Variants in VPS53 observed in about 807,000 individuals in gnomAD.
The protein encoded by VPS53 is VPS53 subunit of GARP complex, also known as vacuolar protein sorting-associated protein 53 homolog.
A neutral mutation model predicts 107.0 loss-of-function variants in VPS53; 70 were observed. That is an observed-to-expected ratio of 0.65 (90% CI 0.54 to 0.80). The LOEUF (loss-of-function observed/expected upper bound fraction) is 0.80. Among genes scored for constraint, VPS53 ranks in the 30% least tolerant of loss-of-function variants. The pLI, the probability that VPS53 is intolerant of heterozygous loss-of-function variation, is 0.00. For missense variants in VPS53, 917 were observed against 1,049.4 expected, an observed-to-expected ratio of 0.87 and a Z score of 1.74; for synonymous variants, 409 against 393.3, an observed-to-expected ratio of 1.04 and a Z score of -0.47.
intron 15 of VPS53, among the ~76,000 whole-genome samples, chr17:557,392 AATTAC>A (rs1165150636): frequency 7.2e-5 from 11 of 152,144 alleles, no homozygotes; most frequent in African/African-American, 2.4e-4. Flanking sequence ...TGAGATACTT[AATTAC>A]ATTTACCAAG....
Position 584,392 on chromosome 17 carries a change from C to T in VPS53, c.1313+1878G>A, listed in dbSNP as rs148514114. Among the ~76,000 whole-genome samples, 138 of 152,194 alleles carry T rather than the reference C, an allele frequency of 9.1e-4. 1 individual carries two copies. The highest frequency in any genetic ancestry group is 2.8e-3 in the African/African-American group (115 of 41,524). ...GACACTGGAGCACGAACACAGTCTT[C>T]GGCTGTTAGTTTGGAAGTCTTTGGG... On this transcript the variant is annotated intron_variant, in intron 13 of 21. Coordinates refer to ENST00000437048, the MANE Select transcript of VPS53 (RefSeq NM_001128159.3).
At chr17:628,953 C>T (rs1969830218) in intron 8 of VPS53, among the ~76,000 whole-genome samples, 1 of 152,204 alleles carries the variant, frequency 6.6e-6, no homozygotes, top group Non-Finnish European at 1.5e-5. Flanking sequence ...TACAGTACGT[C>T]ACTGAGTGAA....
At chr17:664,849 G>A (rs1971614215) in intron 4 of VPS53, among the ~76,000 whole-genome samples, 1 of 152,168 alleles carries the variant, frequency 6.6e-6, no homozygotes, top group Non-Finnish European at 1.5e-5. Flanking sequence ...TGGGTGATGA[G>A]GGAGAGGGAG....
At chr17:682,030 A>C (rs904819232) in intron 4 of VPS53, among the ~76,000 whole-genome samples, 3 of 152,194 alleles carry the variant, frequency 2.0e-5, no homozygotes, top group Admixed American at 6.5e-5. Flanking sequence ...AAATATGAAG[A>C]AAATCTGGCT....
At chr17:664,664 A>C (rs1366135750) in intron 4 of VPS53, among the ~76,000 whole-genome samples, 1 of 152,206 alleles carries the variant, frequency 6.6e-6, no homozygotes, top group Non-Finnish European at 1.5e-5. Context: ...TGTGTGGCAA[A>C]GGGGCTGTGC....
At chr17:668,204 G>A (rs1343409114) in intron 4 of VPS53, among the ~76,000 whole-genome samples, 6 of 152,128 alleles carry the variant, frequency 3.9e-5, no homozygotes, top group Admixed American at 2.0e-4. Flanking sequence ...GACACGCTGC[G>A]TTTATGATTC....
intron 11 of VPS53, among the ~76,000 whole-genome samples, chr17:602,594 A>G (rs1968378939): frequency 6.6e-6 from 1 of 152,216 alleles, no homozygotes; most frequent in Non-Finnish European, 1.5e-5. Flanking sequence ...GGAAGGCTGC[A>G]GGCAGGAGGC....
At chr17:704,642 G>A (rs1361536960) in intron 2 of VPS53, among the ~76,000 whole-genome samples, 1 of 152,134 alleles carries the variant, frequency 6.6e-6, no homozygotes, top group Non-Finnish European at 1.5e-5. Context: ...ATAACCCTGT[G>A]TCATAAATGT....
chr17:522,008 C>T (rs917106273), intron 19 of VPS53, among the ~76,000 whole-genome samples: 1 of 152,194 alleles, frequency 6.6e-6, no homozygotes, highest in Admixed American at 6.5e-5. Context: ...AATCCCAGCA[C>T]TTCAGGAGGG....
intron 12 of VPS53, among the ~76,000 whole-genome samples, chr17:587,914 T>C (rs1356364913): frequency 1.3e-5 from 2 of 152,194 alleles, no homozygotes; most frequent in African/African-American, 4.8e-5. Context: ...TTGATGCGTT[T>C]GAGGATAAGT....
intron 4 of VPS53, among the ~76,000 whole-genome samples, chr17:678,013 C>A (rs1972235477): frequency 6.6e-6 from 1 of 151,832 alleles, no homozygotes; most frequent in African/African-American, 2.4e-5. Context: ...CCCAGCTACT[C>A]AGGAGGCTGA....
At chr17:575,033 C>T (rs1914482842) in intron 13 of VPS53, among the ~76,000 whole-genome samples, 1 of 152,202 alleles carries the variant, frequency 6.6e-6, no homozygotes, top group Non-Finnish European at 1.5e-5. Context: ...CCTCGGTGTG[C>T]CTGCTGGGCA....
chr17:645,490 A>C (rs1414268494), intron 7 of VPS53, among the ~76,000 whole-genome samples: 2 of 152,128 alleles, frequency 1.3e-5, no homozygotes, highest in Non-Finnish European at 2.9e-5. Flanking sequence ...TTTTTCATGC[A>C]CAAGTTTTAA....
Position 562,639 on chromosome 17 carries a change from G to A in VPS53, c.1420C>T (p.Leu474Phe), listed in dbSNP as rs1490635615. The A allele has an allele frequency of 1.2e-6, 2 of 1,613,988 alleles. No homozygotes were observed. The highest frequency in any genetic ancestry group is 1.1e-5 in the South Asian group (1 of 91,074). The part of the protein sequence containing the change: ...GGAVLPSCAD[L>F]FVYYKKCMVQ... ...ATGCACTTCTTGTAGTAGACAAAGA[G>A]GTCGGCGCAGCTGGGGAGCACGGCA... Residue 474 changes from leucine (L) to phenylalanine (F), a missense_variant, in exon 14 of 22, where the codon CTC (leucine) becomes TTC (phenylalanine). Transcript: ENST00000437048.
intron 4 of VPS53, chr17:675,198 C>T (rs180855839): frequency 4.3e-4 from 65 of 152,262 alleles, no homozygotes; most frequent in African/African-American, 1.4e-3. Flanking sequence ...GCCCACAAGA[C>T]ACTAGTTACC....
chr17:573,344 G>A (rs1352245291), intron 13 of VPS53, among the ~76,000 whole-genome samples: 3 of 152,214 alleles, frequency 2.0e-5, no homozygotes, highest in African/African-American at 4.8e-5. Context: ...ATGTAAGGAC[G>A]GCTTAGCCCA....
At position 516,523 on chromosome 17, in the gene VPS53, C is replaced by T. The variant is rs530782249; in HGVS notation, c.*2605G>A. The T allele has an allele frequency of 1.9e-4, 29 of 151,662 alleles. No individual in the cohort carries two copies. The highest frequency in any genetic ancestry group is 1.7e-3 in the Admixed American group (25 of 15,062). 9.4% of individuals were successfully genotyped at this position (151,662 alleles called of 1,614,324 possible). A position where few individuals can be genotyped will look rare whatever the true frequency, so the allele number is the denominator to read the frequency against. On this transcript the variant is annotated 3_prime_UTR_variant, in exon 22 of 22. Transcript: ENST00000437048. ...CTGGGAGGTGTGCACGCCACCACAC[C>T]CCGGTAATTTTTGTATTTTTTGTAG...
At chr17:527,967 A>C (rs1909250303) in intron 19 of VPS53, among the ~76,000 whole-genome samples, 1 of 152,128 alleles carries the variant, frequency 6.6e-6, no homozygotes, top group Admixed American at 6.5e-5. Context: ...TAGTGCTTTT[A>C]ATGTTTTGTT....
chr17:681,205 C>T (rs1456188698), intron 4 of VPS53, among the ~76,000 whole-genome samples: 4 of 152,106 alleles, frequency 2.6e-5, no homozygotes, highest in Admixed American at 6.5e-5. Context: ...GGTGCAATTT[C>T]GGCTCACCGC....
Sources: allele counts gnomAD v4.1 joint callset (sites outside exome capture counted in the v4.1 genomes callset), GRCh38; gene constraint gnomAD v4.1.1; transcripts MANE v1.5; gene names NCBI Gene and HGNC (gene_info 2026-07-23, HGNC 2026-07-21).